Variants in NEGR1 observed in about 807,000 individuals in gnomAD.
NEGR1 encodes neuronal growth regulator 1.
A neutral mutation model predicts 40.9 loss-of-function variants in NEGR1; 10 were observed. The observed-to-expected ratio is 0.24, with a 90% confidence interval of 0.15 to 0.42. The LOEUF is 0.42. Among genes scored for constraint, NEGR1 ranks in the 10% least tolerant of loss-of-function variants. The pLI is 1.00. For missense variants in NEGR1, 352 were observed against 438.9 expected, an observed-to-expected ratio of 0.80 and a Z score of 1.77; for synonymous variants, 185 against 166.8, an observed-to-expected ratio of 1.11 and a Z score of -0.84.
intron 6 of NEGR1, among the ~76,000 whole-genome samples, chr1:71,498,761 T>C (rs1295953045): frequency 6.6e-6 from 1 of 152,156 alleles, no homozygotes; most frequent in Admixed American, 6.5e-5. Flanking sequence ...CCAAGCCCAA[T>C]CAATGTGCAT....
intron 6 of NEGR1, among the ~76,000 whole-genome samples, chr1:71,451,655 G>A (rs1646629605): frequency 6.6e-6 from 1 of 152,084 alleles, no homozygotes; most frequent in Non-Finnish European, 1.5e-5. Context: ...GGGACTAGCT[G>A]TTGAAATTGA....
At chr1:72,221,427 T>C (rs1654008561) in intron 1 of NEGR1, among the ~76,000 whole-genome samples, 2 of 152,162 alleles carry the variant, frequency 1.3e-5, no homozygotes, top group Non-Finnish European at 2.9e-5. Flanking sequence ...TGTCAATTAA[T>C]TTTAATTCAA....
chr1:71,682,024 G>T (rs779497855), intron 4 of NEGR1, among the ~76,000 whole-genome samples: 2 of 151,488 alleles, frequency 1.3e-5, no homozygotes, highest in Non-Finnish European at 2.9e-5. Flanking sequence ...ATGGGGTTTT[G>T]CCATGTTGGC....
intron 6 of NEGR1, among the ~76,000 whole-genome samples, chr1:71,451,436 T>C (rs990184968): frequency 6.6e-6 from 1 of 150,630 alleles, no homozygotes; most frequent in African/African-American, 2.4e-5. Context: ...TGGGTTCAAG[T>C]GATTCTCCTG....
intron 6 of NEGR1, among the ~76,000 whole-genome samples, chr1:71,591,409 T>C (rs977825840): frequency 4.6e-5 from 7 of 152,190 alleles, no homozygotes; most frequent in African/African-American, 1.4e-4. Context: ...GAATGTAATT[T>C]AGAAATTTAA....
At chr1:72,042,372 T>C (rs913672417) in intron 1 of NEGR1, among the ~76,000 whole-genome samples, 2 of 151,642 alleles carry the variant, frequency 1.3e-5, no homozygotes, top group Admixed American at 6.6e-5. Context: ...ACAGAAACTA[T>C]AGGATGAGGG....
intron 2 of NEGR1, among the ~76,000 whole-genome samples, chr1:71,899,820 C>T (rs373309158): frequency 1.3e-5 from 2 of 152,226 alleles, no homozygotes; most frequent in East Asian, 3.9e-4. Context: ...CAGATCTCAT[C>T]AAACATGAAC....
At chr1:71,826,564 G>A (rs890770148) in intron 2 of NEGR1, among the ~76,000 whole-genome samples, 1 of 151,826 alleles carries the variant, frequency 6.6e-6, no homozygotes, top group Admixed American at 6.6e-5. Flanking sequence ...AGAGATATAA[G>A]TAGATTTCCA....
At chr1:72,250,556 A>C (rs895245355) in intron 1 of NEGR1, among the ~76,000 whole-genome samples, 1 of 152,210 alleles carries the variant, frequency 6.6e-6, no homozygotes, top group African/African-American at 2.4e-5. Flanking sequence ...AATTAAGTCA[A>C]TCTACTTTCA....
chr1:71,783,968 G>T (rs1270262515), intron 2 of NEGR1, among the ~76,000 whole-genome samples: 2 of 152,058 alleles, frequency 1.3e-5, no homozygotes, highest in Non-Finnish European at 2.9e-5. Flanking sequence ...TAATCACAAT[G>T]CAGAGTCACT....
At chr1:71,466,330 G>C (rs763331723) in intron 6 of NEGR1, among the ~76,000 whole-genome samples, 1 of 152,010 alleles carries the variant, frequency 6.6e-6, no homozygotes, top group Admixed American at 6.6e-5. Context: ...CATTCATTCG[G>C]TAAATATTTA....
chr1:72,164,497 A>T (rs574238024), intron 1 of NEGR1, among the ~76,000 whole-genome samples: 1 of 152,120 alleles, frequency 6.6e-6, no homozygotes, highest in Non-Finnish European at 1.5e-5. Context: ...TGCACTTCAA[A>T]TAATATCCAA....
intron 6 of NEGR1, among the ~76,000 whole-genome samples, chr1:71,587,038 C>T (rs1188171755): frequency 3.9e-5 from 6 of 152,056 alleles, no homozygotes; most frequent in Admixed American, 3.3e-4. Flanking sequence ...TTTATTACTG[C>T]CTCTTTCAAC....
chr1:72,223,837 A>G (rs999978970), intron 1 of NEGR1, among the ~76,000 whole-genome samples: 3 of 152,156 alleles, frequency 2.0e-5, no homozygotes, highest in Admixed American at 1.3e-4. Flanking sequence ...TATCGAGAAT[A>G]AATTAGCAAC....
chr1:72,156,961 T>G (rs1651381164), intron 1 of NEGR1, among the ~76,000 whole-genome samples: 2 of 107,786 alleles, frequency 1.9e-5, no homozygotes, highest in Admixed American at 2.3e-4. Flanking sequence ...TTGTTGTTGT[T>G]GTTGTCTGTT....
chr1:71,438,127 T>C (rs1461805290), intron 6 of NEGR1, among the ~76,000 whole-genome samples: 6 of 152,220 alleles, frequency 3.9e-5, no homozygotes, highest in African/African-American at 1.4e-4. Context: ...TCAATTCATG[T>C]AAACTGTTTG....
At chr1:71,704,580 ATAT>A in intron 3 of NEGR1, among the ~76,000 whole-genome samples, 1 of 151,794 alleles carries the variant, frequency 6.6e-6, no homozygotes, top group East Asian at 1.9e-4. Flanking sequence ...AGAAATTTAT[ATAT>A]TAATTTAGAA....
chr1:71,794,085 G>A (rs1298582233), intron 2 of NEGR1: 2 of 151,992 alleles, frequency 1.3e-5, no homozygotes, highest in Admixed American at 1.3e-4. Flanking sequence ...TCAAAGCAAA[G>A]GTGCAAACAA....
chr1:71,702,464 T>A (rs192631323), intron 3 of NEGR1, among the ~76,000 whole-genome samples: 80 of 152,146 alleles, frequency 5.3e-4, no homozygotes, highest in Admixed American at 2.0e-3. Flanking sequence ...TAGAAGTGAC[T>A]CTGGAGCTAT....
Sources: allele counts gnomAD v4.1 joint callset (sites outside exome capture counted in the v4.1 genomes callset), GRCh38; gene constraint gnomAD v4.1.1; transcripts MANE v1.5; gene names NCBI Gene and HGNC (gene_info 2026-07-23, HGNC 2026-07-21).